Variants in SDR16C5 observed in about 807,000 individuals in gnomAD.
SDR16C5 encodes short chain dehydrogenase/reductase family 16C member 5.
SDR16C5 carries 20 observed loss-of-function variants against 27.7 expected under a neutral mutation model. The observed-to-expected ratio is 0.72, with a 90% CI of 0.51 to 1.05. The LOEUF is 1.05. Ranked by LOEUF, SDR16C5 falls within the 50% of genes least tolerant of loss-of-function variation. The pLI is 0.00. For synonymous variants in SDR16C5, 139 were observed against 132.3 expected (o/e 1.05, Z -0.35); for missense variants, 374 against 366.3 (o/e 1.02, Z -0.17).
intron 1 of SDR16C5, 33 bp from the exon 2 acceptor site, chr8:56,316,394 ATT>A: frequency 7.3e-7 from 1 of 1,374,224 alleles, no homozygotes; most frequent in Non-Finnish European, 1.0e-6. Flanking sequence ...ATGAAGACTT[ATT>A]TGTCCATTTC....
rs372217590 is a variant in SDR16C5, at chr8:56,312,317, T to C, written c.334-29A>G. The stretch of plus-strand genomic sequence containing the variant: ...AATTGAATAAGAGCAACACCACCAA[T>C]GTAGTAATTCCTTACATGGGCTAGG... On this transcript the variant is annotated intron_variant, in intron 2 of 6. Transcript: ENST00000303749. 42 of 1,602,398 alleles carry C rather than the reference T, an allele frequency of 2.6e-5. No individual in the cohort carries two copies. The Admixed American group carries it at 4.7e-4, about 18-fold the overall frequency.
chr8:56,310,389 T>C lies in SDR16C5; in HGVS notation c.466-1362A>G, dbSNP rs986575476. On this transcript the variant is annotated intron_variant, in intron 3 of 6. Coordinates refer to ENST00000303749, the MANE Select transcript of SDR16C5 (RefSeq NM_138969.4). ...GAAGAAAAGAGAGAGACAGACACCA[T>C]GAAGGCACCTGGGGAAAAACAGAGA... Among the ~76,000 whole-genome samples the C allele has an allele frequency of 2.9e-5, 4 of 140,300 alleles. 1 individual carries two copies. Among genetic ancestry groups the C allele is most frequent in the Non-Finnish European group, 6.2e-5 (4 of 64,534 alleles). The allele number at this position is 140,300 out of a possible 152,430, so 92.0% of individuals were successfully genotyped here. A position where few individuals can be genotyped will look rare whatever the true frequency, so the allele number is the denominator to read the frequency against.
At chr8:56,306,893 C>A in intron 4 of SDR16C5, 73 bp from the exon 5 acceptor site, 1 of 1,278,662 alleles carries the variant, frequency 7.8e-7, no homozygotes, top group Non-Finnish European at 1.1e-6. Context: ...TTACCCATAA[C>A]GCTAACAGCG....
At chr8:56,305,767 A>C in intron 5 of SDR16C5, 45 bp from the exon 6 acceptor site, 1 of 1,546,924 alleles carries the variant, frequency 6.5e-7, no homozygotes. Context: ...CTGAAGGCCA[A>C]ATTCATAAAT....
intron 2 of SDR16C5, 101 bp downstream of exon 2, chr8:56,315,914 C>T: frequency 1.3e-6 from 1 of 783,914 alleles, no homozygotes; most frequent in Admixed American, 2.3e-5. Context: ...ATCTTGTTTA[C>T]ATTAAAGGGA....
rs141566690 is a variant in SDR16C5 at position 56,316,449 on chromosome 8, G to A, written c.-14-88C>T. The A allele has an allele frequency of 2.1e-3, 1,647 of 791,472 alleles. 17 individuals carry two copies. The African/African-American group carries it at 0.023, about 11-fold the overall frequency. The allele number at this position is 791,472 out of a possible 1,614,324, so 49.0% of individuals were successfully genotyped here. ...CACGGAGCTCCTATTTTCTGAAACA[G>A]TGAAAGTAACTGAGATATGTGATTT... On this transcript the variant is annotated intron_variant, in intron 1 of 6. Transcript: ENST00000303749.
chr8:56,303,188 C>T (rs568111510), intron 6 of SDR16C5, among the ~76,000 whole-genome samples: 1 of 151,794 alleles, frequency 6.6e-6, no homozygotes, highest in Non-Finnish European at 1.5e-5. Flanking sequence ...GTGATGGGCA[C>T]CTGTAATCCC....
At chr8:56,317,483 C>G (rs780857879) in intron 1 of SDR16C5, among the ~76,000 whole-genome samples, 4 of 152,328 alleles carry the variant, frequency 2.6e-5, no homozygotes, top group African/African-American at 9.6e-5. Context: ...ATTTAGCAGA[C>G]AGCATACTGT....
chr8:56,306,229 A>T (rs1352399221), intron 5 of SDR16C5, among the ~76,000 whole-genome samples: 2 of 152,218 alleles, frequency 1.3e-5, no homozygotes, highest in Non-Finnish European at 2.9e-5. Context: ...GCCTATCAGC[A>T]CTTTGATCTT....
chr8:56,312,897 C>A (rs1815085952), intron 2 of SDR16C5, among the ~76,000 whole-genome samples: 2 of 151,680 alleles, frequency 1.3e-5, no homozygotes, highest in African/African-American at 4.8e-5. Context: ...CCGCCTCAGC[C>A]TCCCAAGTAG....
chr8:56,311,792 A>T (rs1815050776), intron 3 of SDR16C5, among the ~76,000 whole-genome samples: 1 of 152,220 alleles, frequency 6.6e-6, no homozygotes. Context: ...GGTCCTGTCT[A>T]AGTGCAGTTG....
At position 56,316,020 on chromosome 8, in the gene SDR16C5, C is replaced by T. The variant is rs771163638; in HGVS notation, c.328G>A (p.Asp110Asn). The T allele has an allele frequency of 5.4e-5, 86 of 1,605,314 alleles. 1 individual carries two copies. In the Middle Eastern group the frequency reaches 6.6e-4, roughly 12 times the overall value. Reference protein sequence around the residue: ...SQKEGVYRVADQVKKEVGDVS... With the variant: ...SQKEGVYRVANQVKKEVGDVS... ...AGTAAACACACAAGAGTTACCTGGT[C>T]GGCTACTCTATACACTCCTTCCTTT... The change falls in exon 2 of 7, where the codon GAC becomes AAC. Residue 110 changes from aspartate to asparagine, a missense_variant. By Grantham distance (23) the Asp-to-Asn change is conservative. Coordinates refer to ENST00000303749, the MANE Select transcript of SDR16C5 (RefSeq NM_138969.4).
intron 4 of SDR16C5, among the ~76,000 whole-genome samples, chr8:56,308,342 G>C (rs1369408977): frequency 1.3e-5 from 2 of 152,180 alleles, no homozygotes; most frequent in Non-Finnish European, 2.9e-5. Flanking sequence ...ATTCCTTCTA[G>C]AGCCAGCTCC....
chr8:56,310,138 G>C (rs1177515444), intron 3 of SDR16C5, among the ~76,000 whole-genome samples: 1 of 49,478 alleles, frequency 2.0e-5, no homozygotes, highest in African/African-American at 1.2e-4. Context: ...GGAGGAGGGA[G>C]GAGGAGGAGG....
At chr8:56,315,138 G>A (rs904234317) in intron 2 of SDR16C5, among the ~76,000 whole-genome samples, 3 of 152,018 alleles carry the variant, frequency 2.0e-5, no homozygotes, top group African/African-American at 7.3e-5. Flanking sequence ...CCAGCTACTC[G>A]GGGGGCTGAG....
chr8:56,316,675 A>G (rs1815207634), intron 1 of SDR16C5, among the ~76,000 whole-genome samples: 1 of 152,228 alleles, frequency 6.6e-6, no homozygotes. Flanking sequence ...GAATAAGTTC[A>G]TTATTGCTCA....
At chr8:56,305,464 C>T (rs1442318702) in intron 6 of SDR16C5, 133 bp downstream of exon 6, 3 of 783,262 alleles carry the variant, frequency 3.8e-6, no homozygotes, top group African/African-American at 1.9e-5. Flanking sequence ...AATGATAGGA[C>T]TAACAGGACT....
Position 56,316,155 on chromosome 8 carries a change from A to G in SDR16C5, c.193T>C (p.Ser65Pro), listed in dbSNP as rs1815190581. ...LLALQFARLG[S>P]VLVLWDINKE... is the part of the protein sequence containing the mutation. ...TTGATATCCCAGAGAACAAGAACAG[A>G]TCCCAGCCGGGCAAACTGCAAGGCT... The change falls in exon 2 of 7, where the codon TCT becomes CCT. Residue 65 changes from serine to proline, a missense_variant. By Grantham distance (74) the Ser-to-Pro change is moderately conservative. Transcript: ENST00000303749. The G allele has an allele frequency of 1.2e-6, 2 of 1,614,120 alleles. No individual in the cohort carries two copies. Among genetic ancestry groups the G allele is most frequent in the South Asian group, 2.2e-5 (2 of 91,074 alleles).
Position 56,301,387 on chromosome 8 carries a change from T to A in SDR16C5, c.*93A>T. ...AGGAGTGGTACTTGTGGTCTCCAGA[T>A]ATATTCCACTGTCAGACAAAAATAC... On this transcript the variant is annotated 3_prime_UTR_variant, in exon 7 of 7. Coordinates refer to ENST00000303749, the MANE Select transcript of SDR16C5 (RefSeq NM_138969.4). 1.2e-6 allele frequency: 1 copy of A among 832,940 alleles called. No homozygotes were observed. The highest frequency in any genetic ancestry group is 2.2e-4 in the Middle Eastern group (1 of 4,454). The allele number at this position is 832,940 out of a possible 1,614,324, so 51.6% of individuals were successfully genotyped here.
Sources: allele counts gnomAD v4.1 joint callset (sites outside exome capture counted in the v4.1 genomes callset), GRCh38; gene constraint gnomAD v4.1.1; transcripts MANE v1.5; gene names NCBI Gene and HGNC (gene_info 2026-07-23, HGNC 2026-07-21).